Variants in ERBB4 observed in about 807,000 individuals in gnomAD.
The protein encoded by ERBB4 is receptor tyrosine-protein kinase erbB-4.
ERBB4 carries 42 observed loss-of-function variants against 158.0 expected under a neutral mutation model. That is an observed-to-expected ratio of 0.27 (90% CI 0.21 to 0.34). The LOEUF is 0.34. Among genes scored for constraint, ERBB4 ranks in the 10% least tolerant of loss-of-function variants. The pLI is 1.00. For synonymous variants in ERBB4, 583 were observed against 558.7 expected (o/e 1.04, Z -0.61); for missense variants, 1,333 against 1,624.1 (o/e 0.82, Z 3.08).
chr2:211,512,532 G>T (rs60201104), intron 20 of ERBB4, among the ~76,000 whole-genome samples: 17,730 of 151,260 alleles, frequency 0.12, 1,444 homozygotes, highest in African/African-American at 0.23. Flanking sequence ...CCTCTGACAA[G>T]TGAACAAACA....
chr2:211,447,853 A>ATATT (rs1164745909), intron 20 of ERBB4, among the ~76,000 whole-genome samples: 1 of 152,252 alleles, frequency 6.6e-6, no homozygotes, highest in Non-Finnish European at 1.5e-5. Context: ...AGGAATTAGA[A>ATATT]TATTTAAATC....
In ERBB4 at chr2:212,389,226, G is replaced by A. The variant is rs147638799; in HGVS notation, c.82+149223C>T. On this transcript the variant is annotated intron_variant, in intron 1 of 27. Coordinates refer to ENST00000342788, the MANE Select transcript of ERBB4 (RefSeq NM_005235.3). The stretch of plus-strand genomic sequence containing the variant: ...AATGATTATCCAATAAGCTAAAAGA[G>A]GAGACAAAAAGTATGATTTAAAAAT... Among the ~76,000 whole-genome samples, 867 of 151,998 alleles carry A rather than the reference G, an allele frequency of 5.7e-3. 2 individuals carry two copies. Among genetic ancestry groups the A allele is most frequent in the African/African-American group, 0.02 (815 of 41,472 alleles).
At chr2:211,518,384 A>G (rs1413440586) in intron 20 of ERBB4, among the ~76,000 whole-genome samples, 1 of 74,726 alleles carries the variant, frequency 1.3e-5, no homozygotes, top group Non-Finnish European at 2.4e-5. Flanking sequence ...CAAGGAATTT[A>G]GAAAAGAGTT....
chr2:212,041,590 T>TA (rs775308792), intron 2 of ERBB4, among the ~76,000 whole-genome samples: 1,794 of 139,570 alleles, frequency 0.013, 16 homozygotes, highest in African/African-American at 0.032. Flanking sequence ...TCATATTACA[T>TA]AAAAAAAAAA....
intron 20 of ERBB4, among the ~76,000 whole-genome samples, chr2:211,439,812 A>T (rs1368708139): frequency 6.6e-6 from 1 of 152,214 alleles, no homozygotes; most frequent in African/African-American, 2.4e-5. Context: ...GGAATGTGGG[A>T]AAGCAAACCC....
At chr2:212,293,812 C>T (rs868801171) in intron 1 of ERBB4, among the ~76,000 whole-genome samples, 9 of 135,480 alleles carry the variant, frequency 6.6e-5, no homozygotes, top group Non-Finnish European at 1.2e-4. Context: ...AGTGCCACTG[C>T]ACTCCAGCCT....
At chr2:211,774,044 G>C (rs184867235) in intron 4 of ERBB4, among the ~76,000 whole-genome samples, 1 of 151,278 alleles carries the variant, frequency 6.6e-6, no homozygotes, top group African/African-American at 2.4e-5. Flanking sequence ...GTCTTAGATT[G>C]TTCAGATGCT....
chr2:211,817,201 A>G (rs2076896903), intron 3 of ERBB4, among the ~76,000 whole-genome samples: 1 of 152,218 alleles, frequency 6.6e-6, no homozygotes. Flanking sequence ...CTGGCCTAGC[A>G]TCTTCCTCAA....
Position 211,766,409 on chromosome 2 carries a change from T to C in ERBB4, c.557-15705A>G, listed in dbSNP as rs2106254186. On this transcript the variant is annotated intron_variant, in intron 4 of 27. Coordinates refer to ENST00000342788, the MANE Select transcript of ERBB4 (RefSeq NM_005235.3). ...TCTCTAAACTTTGAAATAAAAGTCC[T>C]GAATGAGGGAACACCAATAGGAGAG... Among the ~76,000 whole-genome samples, 2 of 152,284 alleles carry C rather than the reference T, an allele frequency of 1.3e-5. 1 individual carries two copies. Among genetic ancestry groups the C allele is most frequent in the South Asian group, 4.1e-4 (2 of 4,824 alleles).
At chr2:212,207,596 GA>G (rs1387279739) in intron 1 of ERBB4, among the ~76,000 whole-genome samples, 1 of 152,102 alleles carries the variant, frequency 6.6e-6, no homozygotes, top group Non-Finnish European at 1.5e-5. Flanking sequence ...TATAAGCAGT[GA>G]AAATTTGTTA....
chr2:211,431,212 GCCAGAATCCTA>G (rs1334461031), intron 20 of ERBB4, 112 bp from the exon 21 acceptor site: 10 of 903,696 alleles, frequency 1.1e-5, no homozygotes, highest in African/African-American at 1.7e-5. Context: ...TTTAAGTGAA[GCCAGAATCCTA>G]GAATATTTTC....
intron 1 of ERBB4, among the ~76,000 whole-genome samples, chr2:212,520,579 G>A (rs1056616783): frequency 1.3e-5 from 2 of 151,882 alleles, no homozygotes; most frequent in Non-Finnish European, 2.9e-5. Context: ...GGTGGAGCTT[G>A]TATACAAAAT....
At chr2:211,849,996 A>G (rs893574307) in intron 3 of ERBB4, among the ~76,000 whole-genome samples, 8 of 151,908 alleles carry the variant, frequency 5.3e-5, no homozygotes, top group Admixed American at 6.6e-5. Context: ...AATTGACCAA[A>G]CTGTTTTCAA....
chr2:211,809,439 T>C (rs1317852992), intron 3 of ERBB4, among the ~76,000 whole-genome samples: 1 of 152,202 alleles, frequency 6.6e-6, no homozygotes, highest in African/African-American at 2.4e-5. Flanking sequence ...TGTCCAGGAA[T>C]TTATCCATTT....
chr2:212,209,204 G>A (rs1574438138), intron 1 of ERBB4, among the ~76,000 whole-genome samples: 1 of 152,066 alleles, frequency 6.6e-6, no homozygotes, highest in African/African-American at 2.4e-5. Context: ...CTCCATAACT[G>A]AATTTGCTGC....
At chr2:212,144,693 G>A (rs554794069) in intron 1 of ERBB4, among the ~76,000 whole-genome samples, 197 of 152,218 alleles carry the variant, frequency 1.3e-3, no homozygotes, top group Middle Eastern at 6.8e-3. Flanking sequence ...TTCTCCATTA[G>A]ATGATAAACC....
Position 211,759,141 on chromosome 2 carries a change from C to T in ERBB4, c.557-8437G>A, listed in dbSNP as rs150834423. Among the ~76,000 whole-genome samples, 75 of 152,292 alleles carry T rather than the reference C, an allele frequency of 4.9e-4. 1 individual carries two copies. The East Asian group carries it at 6.4e-3, about 13-fold the overall frequency. On this transcript the variant is annotated intron_variant, in intron 4 of 27. Transcript: ENST00000342788. ...AGTCATCCTCAGCTCTGTTTTCTTTCGTCTTACAGCCCAGATCCAAATTCA... is the reference window on the plus strand; with the variant it reads ...AGTCATCCTCAGCTCTGTTTTCTTTTGTCTTACAGCCCAGATCCAAATTCA...
chr2:212,055,641 C>T (rs1330839622), intron 2 of ERBB4, among the ~76,000 whole-genome samples: 1 of 152,234 alleles, frequency 6.6e-6, no homozygotes, highest in Admixed American at 6.5e-5. Flanking sequence ...GTTCTGCAGC[C>T]ACCACTGCTG....
intron 1 of ERBB4, among the ~76,000 whole-genome samples, chr2:212,271,125 G>T (rs1173305669): frequency 6.6e-6 from 1 of 151,664 alleles, no homozygotes; most frequent in East Asian, 1.9e-4. Context: ...GGAAACTTGT[G>T]AATTTACTTA....
Sources: allele counts gnomAD v4.1 joint callset (sites outside exome capture counted in the v4.1 genomes callset), GRCh38; gene constraint gnomAD v4.1.1; transcripts MANE v1.5; gene names NCBI Gene and HGNC (gene_info 2026-07-23, HGNC 2026-07-21).